MORF4L1: variants seen among roughly 807,000 people sequenced by gnomAD.
The protein encoded by MORF4L1 is mortality factor 4 like 1.
In MORF4L1, 4 loss-of-function variants were observed where a neutral mutation model predicts 52.9. The ratio of observed to expected loss-of-function variants is 0.08; its 90% CI spans 0.04 to 0.17. The LOEUF is 0.17. Ranked by LOEUF, MORF4L1 falls within the 10% of genes least tolerant of loss-of-function variation. The pLI is 1.00. For missense variants in MORF4L1, 214 were observed against 390.4 expected, an observed-to-expected ratio of 0.55 and a Z score of 3.81; for synonymous variants, 123 against 134.8, an observed-to-expected ratio of 0.91 and a Z score of 0.61.
rs563543269 is a variant in MORF4L1, at chr15:78,897,505, TTAAAG to T, written c.*444_*448del. ...GTGCTTTTGTTTTTTTTTATGGTGC[TTAAAG>T]TAAAGAGCCCATCCTTTGCAAGTCA... On this transcript the variant is annotated 3_prime_UTR_variant, in exon 12 of 12. Coordinates refer to ENST00000426013, the MANE Select transcript of MORF4L1 (RefSeq NM_006791.4). 3.3e-3 allele frequency: 515 copies of T among 155,076 alleles called. 1 individual carries two copies. The highest frequency in any genetic ancestry group is 9.9e-3 in the African/African-American group (410 of 41,592). 9.6% of individuals were successfully genotyped at this position (155,076 alleles called of 1,614,324 possible).
chr15:78,885,327 T>G lies in MORF4L1; in HGVS notation c.156-814T>G, dbSNP rs16970190. On this transcript the variant is annotated intron_variant, in intron 3 of 11. Transcript: ENST00000426013. ...AGTTAGCATTCCCTAAGAAATTACA[T>G]TGTTTTTGTTTGCCATTTTGGGGGA... Among the ~76,000 whole-genome samples, 4,103 of 152,320 alleles carry G rather than the reference T, an allele frequency of 0.027. 524 individuals are homozygous for G. The East Asian group carries it at 0.37, about 14-fold the overall frequency.
chr15:78,891,178 C>G (rs1187022454), intron 6 of MORF4L1, 164 bp downstream of exon 6: 1 of 894,380 alleles, frequency 1.1e-6, no homozygotes, highest in East Asian at 2.9e-5. Context: ...GTAGAGACCT[C>G]TTTTTGCCAA....
chr15:78,874,583 CTTTTTTTTT>C (rs56665378), intron 1 of MORF4L1, among the ~76,000 whole-genome samples: 14 of 112,184 alleles, frequency 1.2e-4, no homozygotes, highest in African/African-American at 3.1e-4. Context: ...CTTTTTCTTT[CTTTTTTTTT>C]TTTTTTTTTT....
At chr15:78,885,198 G>A (rs1022732906) in intron 3 of MORF4L1, 16 of 811,298 alleles carry the variant, frequency 2.0e-5, no homozygotes, top group Admixed American at 1.2e-4. Flanking sequence ...TTAAACAAAA[G>A]AAAGTCTTAA....
At chr15:78,894,004 C>T (rs980943088) in intron 9 of MORF4L1, 54 bp from the exon 10 acceptor site, 1 of 1,480,822 alleles carries the variant, frequency 6.8e-7, no homozygotes. Context: ...GAATTATTCT[C>T]TATGTCAGTT....
At position 78,896,308 on chromosome 15, in the gene MORF4L1, C is replaced by CTTTTTTTTT. The variant is rs71148578; in HGVS notation, c.888-660_888-652dup. ...ATTTTTTTCTTTTTTCTTTTCTTTT[C>CTTTTTTTTT]TTTTTTTTTTTTTTTTTTTTTTTGA... is the stretch of plus-strand genomic sequence containing the variant. On this transcript the variant is annotated intron_variant, in intron 11 of 11. Coordinates refer to ENST00000426013, the MANE Select transcript of MORF4L1 (RefSeq NM_006791.4). Among the ~76,000 whole-genome samples the CTTTTTTTTT allele has an allele frequency of 7.6e-4, 62 of 81,428 alleles. 1 individual carries two copies. Among genetic ancestry groups the CTTTTTTTTT allele is most frequent in the East Asian group, 3.7e-3 (10 of 2,668 alleles). 53.4% of individuals were successfully genotyped at this position (81,428 alleles called of 152,430 possible).
chr15:78,895,362 A>G (rs2056869955), intron 11 of MORF4L1, among the ~76,000 whole-genome samples: 1 of 152,252 alleles, frequency 6.6e-6, no homozygotes, highest in South Asian at 2.1e-4. Flanking sequence ...CAGGAAATTT[A>G]CATCAATGGC....
chr15:78,890,881 C>G, intron 5 of MORF4L1, 108 bp from the exon 6 acceptor site: 7 of 1,096,188 alleles, frequency 6.4e-6, no homozygotes, highest in Non-Finnish European at 8.5e-6. Context: ...CCACCTGATC[C>G]TTTATCCAAG....
At chr15:78,886,270 T>A in intron 4 of MORF4L1, 43 bp downstream of exon 4, 2 of 1,487,820 alleles carry the variant, frequency 1.3e-6, no homozygotes, top group Non-Finnish European at 1.9e-6. Flanking sequence ...GAAATGCCTG[T>A]AGATTAATTC....
chr15:78,877,823 T>TGG, intron 1 of MORF4L1: 1 of 160,330 alleles, frequency 6.2e-6, no homozygotes, highest in East Asian at 1.8e-4. Context: ...GAGATACAAG[T>TGG]GGAGAGTAAA....
chr15:78,891,481 C>A lies in MORF4L1; in HGVS notation c.350-3C>A. ...TGAGACCCCTCCCCGCCAACATTTA[C>A]AGCACCTGGAAATGGAGATGGTGGC... On this transcript the variant is annotated splice_region_variant and splice_polypyrimidine_tract_variant and intron_variant, in intron 6 of 11. Transcript: ENST00000426013. The A allele has an allele frequency of 6.2e-7, 1 of 1,613,442 alleles. No homozygotes were observed. Among genetic ancestry groups the A allele is most frequent in the Non-Finnish European group, 8.5e-7 (1 of 1,179,510 alleles).
At chr15:78,895,243 A>G (rs1410822127) in intron 11 of MORF4L1, among the ~76,000 whole-genome samples, 6 of 152,218 alleles carry the variant, frequency 3.9e-5, no homozygotes, top group African/African-American at 1.4e-4. Flanking sequence ...GAAAGGAGAA[A>G]TGTAATATTT....
chr15:78,887,420 A>C, intron 5 of MORF4L1, 71 bp downstream of exon 5: 1 of 1,358,756 alleles, frequency 7.4e-7, no homozygotes, highest in Non-Finnish European at 1.0e-6. Flanking sequence ...TGTGTGTTAG[A>C]CTGTGTTGAA....
At chr15:78,888,147 A>G (rs948045271) in intron 5 of MORF4L1, among the ~76,000 whole-genome samples, 1 of 152,230 alleles carries the variant, frequency 6.6e-6, no homozygotes, top group African/African-American at 2.4e-5. Flanking sequence ...AGTCATGTGC[A>G]TGCATACATT....
At chr15:78,877,141 G>A (rs1467202254) in intron 1 of MORF4L1, among the ~76,000 whole-genome samples, 1 of 80,954 alleles carries the variant, frequency 1.2e-5, no homozygotes. Flanking sequence ...TTTTTTTTTT[G>A]AGAGGGCGGC....
chr15:78,894,776 C>T (rs776095920), intron 10 of MORF4L1, 44 bp from the exon 11 acceptor site: 16 of 1,409,470 alleles, frequency 1.1e-5, no homozygotes, highest in African/African-American at 5.7e-5. Flanking sequence ...TTGTAGTGCC[C>T]CTGCCTTGGA....
At chr15:78,892,567 C>G in intron 8 of MORF4L1, 1 of 328,448 alleles carries the variant, frequency 3.0e-6, no homozygotes. Context: ...ATTGCTAGGG[C>G]AGGAACTCGT....
At chr15:78,874,210 C>T (rs959918309) in intron 1 of MORF4L1, among the ~76,000 whole-genome samples, 2 of 152,152 alleles carry the variant, frequency 1.3e-5, no homozygotes, top group Admixed American at 6.5e-5. Flanking sequence ...GAAATTTATG[C>T]TAGTTACCGT....
Position 78,894,274 on chromosome 15 carries a change from G to A in MORF4L1, c.802+44G>A, listed in dbSNP as rs756240342. The A allele has an allele frequency of 1.4e-5, 21 of 1,492,366 alleles. No individual in the cohort carries two copies. The African/African-American group carries it at 1.6e-4, about 11-fold the overall frequency. The allele number at this position is 1,492,366 out of a possible 1,614,324, so 92.4% of individuals were successfully genotyped here. On this transcript the variant is annotated intron_variant, in intron 10 of 11. Transcript: ENST00000426013. ...AATAATGGATTTTACTTTTTGGGGG[G>A]TCTTCTCTAAATGAATAAGAGGTAA... is the stretch of plus-strand genomic sequence containing the variant.
Sources: gnomAD v4.1 joint callset for allele counts (sites outside exome capture counted in the v4.1 genomes callset) on GRCh38, gnomAD v4.1.1 for gene constraint, MANE v1.5 for transcripts, NCBI Gene and HGNC (gene_info 2026-07-23, HGNC 2026-07-21) for gene names.